The following UPF2 variants were observed in gnomAD, a reference collection of about 807,000 sequenced individuals.
UPF2 encodes the protein UPF2 regulator of nonsense mediated mRNA decay, also known as regulator of nonsense transcripts 2.
In UPF2, 17 loss-of-function variants were observed where a neutral mutation model predicts 141.4. The ratio of observed to expected loss-of-function variants is 0.12; its 90% CI spans 0.08 to 0.18. The LOEUF (loss-of-function observed/expected upper bound fraction) is 0.18, where lower values mean the gene tolerates loss of function less well. Among genes scored for constraint, UPF2 ranks in the 10% least tolerant of loss-of-function variants. The pLI is 1.00. For synonymous variants in UPF2, 540 were observed against 498.0 expected (o/e 1.08, Z -1.12); for missense variants, 1,152 against 1,515.9 (o/e 0.76, Z 3.99).
chr10:11,920,657 C>T lies in UPF2; in HGVS notation c.*641G>A. On this transcript the variant is annotated 3_prime_UTR_variant, in exon 22 of 22. Coordinates refer to ENST00000357604, the MANE Select transcript of UPF2 (RefSeq NM_015542.4). ...TTAATAGGCAATTTTATAGCACTGA[C>T]TCTGATGGATAAAACGGATTTTTCT... 4.2e-6 allele frequency: 1 copy of T among 238,878 alleles called. No individual in the cohort carries two copies. The highest frequency in any genetic ancestry group is 5.8e-5 in the South Asian group (1 of 17,186). 14.8% of individuals were successfully genotyped at this position (238,878 alleles called of 1,614,324 possible). A position where few individuals can be genotyped will look rare whatever the true frequency, so the allele number is the denominator to read the frequency against.
At chr10:11,943,248 A>C (rs1588529919) in intron 16 of UPF2, 80 bp from the exon 17 acceptor site, 3 of 1,189,018 alleles carry the variant, frequency 2.5e-6, no homozygotes, top group Non-Finnish European at 2.4e-6. Context: ...AGATTTCAAA[A>C]CTTCTGTATA....
intron 8 of UPF2, among the ~76,000 whole-genome samples, chr10:11,983,535 G>C (rs1482081680): frequency 4.6e-5 from 7 of 152,084 alleles, no homozygotes; most frequent in Admixed American, 4.6e-4. Flanking sequence ...ATCATGCCCA[G>C]CTAATTTTTT....
intron 11 of UPF2, among the ~76,000 whole-genome samples, chr10:11,963,103 C>A (rs1396147627): frequency 6.6e-6 from 1 of 152,016 alleles, no homozygotes; most frequent in African/African-American, 2.4e-5. Context: ...GAGTTCACAC[C>A]CCATAAATAC....
chr10:11,956,243 G>A lies in UPF2; in HGVS notation c.2574+77C>T. On this transcript the variant is annotated intron_variant, in intron 13 of 21. Coordinates refer to ENST00000357604, the MANE Select transcript of UPF2 (RefSeq NM_015542.4). The surrounding 1 kb of genome is among the most constrained non-coding windows in gnomAD (Gnocchi z 4.2). ...ATAAATTTACAGATTCCTATAACTT[G>A]AGTCTCAATAGTAACCTAGAAATAA... 2 of 1,304,474 alleles carry A rather than the reference G, an allele frequency of 1.5e-6. No individual in the cohort carries two copies. Among genetic ancestry groups the A allele is most frequent in the South Asian group, 1.2e-5 (1 of 80,376 alleles). The allele number at this position is 1,304,474 out of a possible 1,614,324, so 80.8% of individuals were successfully genotyped here.
chr10:12,005,595 G>A (rs1834022317), intron 4 of UPF2, among the ~76,000 whole-genome samples: 1 of 152,032 alleles, frequency 6.6e-6, no homozygotes, highest in African/African-American at 2.4e-5. Context: ...TTTAAACAGA[G>A]TTTTACTCTG....
At chr10:11,930,981 C>T (rs1220769891) in intron 20 of UPF2, among the ~76,000 whole-genome samples, 2 of 152,124 alleles carry the variant, frequency 1.3e-5, no homozygotes, top group African/African-American at 2.4e-5. Context: ...TATGAAGTCT[C>T]CATGGACTCG....
At chr10:11,968,525 G>C (rs1018563939) in intron 9 of UPF2, among the ~76,000 whole-genome samples, 1 of 152,176 alleles carries the variant, frequency 6.6e-6, no homozygotes, top group African/African-American at 2.4e-5. Flanking sequence ...AGGCTGGCTA[G>C]TGCATTGTAA....
chr10:12,024,943 A>AC, intron 3 of UPF2, among the ~76,000 whole-genome samples: 1 of 148,380 alleles, frequency 6.7e-6, no homozygotes, highest in African/African-American at 2.4e-5. Context: ...AAAAAAAAAA[A>AC]AAAAAAAAAA....
rs973545512 is a variant in UPF2, at chr10:11,953,273, T to C, written c.2851-1024A>G. ...GTGTGGACCTCATCTGGGAGCTTCT[T>C]AGAAATGTAGAATCTCAGGCCTCCC... is the stretch of plus-strand genomic sequence containing the variant. On this transcript the variant is annotated intron_variant, in intron 14 of 21. Transcript: ENST00000357604. This position sits in a 1 kb window ranked among gnomAD's most constrained non-coding sequence, Gnocchi z 5.0. 3.3e-5 allele frequency among the ~76,000 whole-genome samples: 5 copies of C among 152,184 alleles called. No homozygotes were observed. The highest frequency in any genetic ancestry group is 3.3e-4 in the Admixed American group (5 of 15,282).
intron 8 of UPF2, among the ~76,000 whole-genome samples, 195 bp downstream of exon 8, chr10:11,997,477 A>G (rs1287245492): frequency 6.6e-6 from 1 of 152,218 alleles, no homozygotes; most frequent in Non-Finnish European, 1.5e-5. Flanking sequence ...TATCAGAAGA[A>G]ATATTCCCAT....
chr10:12,027,845 A>G (rs1321217591), intron 3 of UPF2, among the ~76,000 whole-genome samples: 1 of 152,220 alleles, frequency 6.6e-6, no homozygotes, highest in African/African-American at 2.4e-5. Flanking sequence ...TTATGAAACT[A>G]GAAAAGGATC....
At chr10:11,929,800 C>T (rs1832760557) in intron 21 of UPF2, 65 bp downstream of exon 21, 2 of 1,555,880 alleles carry the variant, frequency 1.3e-6, no homozygotes, top group Admixed American at 2.0e-5. Flanking sequence ...ATCCAGAATT[C>T]CCTAATTTAT....
chr10:11,974,214 T>C (rs879916524), intron 9 of UPF2, among the ~76,000 whole-genome samples: 4 of 152,226 alleles, frequency 2.6e-5, no homozygotes, highest in Admixed American at 2.6e-4. Context: ...TTGTGATTTC[T>C]GCACGTTGAT....
In UPF2 at chr10:11,953,054, T is replaced by C. The variant is rs1329583413; in HGVS notation, c.2851-805A>G. The stretch of plus-strand genomic sequence containing the variant: ...ACAAGCATTTATTGAATATCTACTG[T>C]GTATATGGCATGGTGTGGATATTTT... On this transcript the variant is annotated intron_variant, in intron 14 of 21. Transcript: ENST00000357604. This position sits in a 1 kb window ranked among gnomAD's most constrained non-coding sequence, Gnocchi z 5.0. 1.3e-5 allele frequency among the ~76,000 whole-genome samples: 2 copies of C among 152,228 alleles called. No homozygotes were observed. Among genetic ancestry groups the C allele is most frequent in the African/African-American group, 2.4e-5 (1 of 41,454 alleles).
intron 3 of UPF2, among the ~76,000 whole-genome samples, chr10:12,021,920 C>A (rs554248177): frequency 1.3e-5 from 2 of 152,034 alleles, no homozygotes; most frequent in African/African-American, 4.8e-5. Context: ...GCAAGGCGGG[C>A]GGATCACTTG....
intron 9 of UPF2, 108 bp downstream of exon 9, chr10:11,978,949 A>G (rs1833550578): frequency 2.3e-6 from 2 of 878,276 alleles, no homozygotes; most frequent in East Asian, 5.3e-5. Context: ...AAACTGTTAT[A>G]CCACTATCAA....
Position 11,936,885 on chromosome 10 carries a change from T to C in UPF2, c.3379-173A>G, listed in dbSNP as rs568799338. ...ACTCTTTCTGAAACGTGGATAAATCTAGGGAGTATTTCTCCCTCCACCTAA... is the reference window on the plus strand; with the variant it reads ...ACTCTTTCTGAAACGTGGATAAATCCAGGGAGTATTTCTCCCTCCACCTAA... On this transcript the variant is annotated intron_variant, in intron 18 of 21. Coordinates refer to ENST00000357604, the MANE Select transcript of UPF2 (RefSeq NM_015542.4). The surrounding 1 kb of genome is among the most constrained non-coding windows in gnomAD (Gnocchi z 6.6). 3.2e-3 allele frequency among the ~76,000 whole-genome samples: 491 copies of C among 152,340 alleles called. 7 individuals carry two copies. The highest frequency in any genetic ancestry group is 1.1e-3 in the Non-Finnish European group (78 of 68,030).
chr10:11,964,500 T>C (rs569169258), intron 10 of UPF2, among the ~76,000 whole-genome samples: 2 of 152,320 alleles, frequency 1.3e-5, no homozygotes, highest in East Asian at 3.9e-4. Flanking sequence ...ATTATATGAA[T>C]TATAGACACA....
At chr10:12,000,741 G>A (rs1472476982) in intron 6 of UPF2, among the ~76,000 whole-genome samples, 1 of 152,168 alleles carries the variant, frequency 6.6e-6, no homozygotes, top group Non-Finnish European at 1.5e-5. Context: ...GGGAGTTTGA[G>A]GCTGCAGTCA....
Sources: gnomAD v4.1 joint callset for allele counts (sites outside exome capture counted in the v4.1 genomes callset) on GRCh38, gnomAD v4.1.1 for gene constraint, Gnocchi (gnomAD v3.1) non-coding constraint, MANE v1.5 for transcripts, NCBI Gene and HGNC (gene_info 2026-07-23, HGNC 2026-07-21) for gene names.